ST7: variants seen among roughly 807,000 people sequenced by gnomAD.
ST7 encodes the protein suppressor of tumorigenicity 7 protein.
A neutral mutation model predicts 78.7 loss-of-function variants in ST7; 28 were observed. The observed-to-expected ratio is 0.36, with a 90% CI of 0.26 to 0.49. The LOEUF is 0.49. ST7 is among the 20% of genes least tolerant of loss of function. ST7 has a pLI of 0.99. For missense variants in ST7, 418 were observed against 696.0 expected (o/e 0.60, Z 4.49); for synonymous variants, 247 against 249.6 (o/e 0.99, Z 0.10).
chr7:116,999,294 A>T (rs1412172043), intron 1 of ST7, among the ~76,000 whole-genome samples: 1 of 152,246 alleles, frequency 6.6e-6, no homozygotes, highest in Admixed American at 6.5e-5. Flanking sequence ...AGTTTCAAAT[A>T]GTAGAGAGGT....
intron 9 of ST7, among the ~76,000 whole-genome samples, chr7:117,157,165 T>C (rs1222383303): frequency 1.3e-5 from 2 of 152,176 alleles, no homozygotes; most frequent in African/African-American, 2.4e-5. Flanking sequence ...GGAAACATGA[T>C]GGCATGAGCT....
At chr7:117,033,701 G>A (rs777639396) in intron 1 of ST7, among the ~76,000 whole-genome samples, 1 of 152,192 alleles carries the variant, frequency 6.6e-6, no homozygotes, top group Non-Finnish European at 1.5e-5. Flanking sequence ...TGGGATTACA[G>A]GCGTGAGCCA....
chr7:117,111,731 G>T (rs1350506529), intron 2 of ST7, among the ~76,000 whole-genome samples: 2 of 152,126 alleles, frequency 1.3e-5, no homozygotes, highest in Non-Finnish European at 2.9e-5. Context: ...CCATCCACAA[G>T]AACTGCACCT....
rs1225932751 is a variant in ST7, at chr7:117,189,258, T to G, written c.1079-63T>G. On this transcript the variant is annotated intron_variant, in intron 10 of 15. Coordinates refer to ENST00000323984, the MANE Select transcript of ST7 (RefSeq NM_001369598.1). ...AAACGTGATTAAAATGCTAGTGTAT[T>G]GAAAATGATTGCTCTTTGTTACCTG... 3 of 1,177,342 alleles carry G rather than the reference T, an allele frequency of 2.5e-6. No homozygotes were observed. In the East Asian group the frequency reaches 7.3e-5, roughly 29 times the overall value. The allele number at this position is 1,177,342 out of a possible 1,614,324, so 72.9% of individuals were successfully genotyped here.
At chr7:117,197,707 G>A (rs1046162114) in intron 12 of ST7, among the ~76,000 whole-genome samples, 6 of 152,174 alleles carry the variant, frequency 3.9e-5, no homozygotes, top group African/African-American at 1.2e-4. Context: ...AACATTGTTA[G>A]CCATTTGTAT....
At chr7:117,152,213 A>ATG (rs375719225) in intron 9 of ST7, among the ~76,000 whole-genome samples, 2 of 115,058 alleles carry the variant, frequency 1.7e-5, no homozygotes, top group Non-Finnish European at 3.7e-5. Context: ...ATATATATAT[A>ATG]TATATATATA....
chr7:117,192,316 G>C (rs1204418365), intron 12 of ST7, among the ~76,000 whole-genome samples: 2 of 152,164 alleles, frequency 1.3e-5, no homozygotes, highest in Non-Finnish European at 2.9e-5. Flanking sequence ...TTTAGAAGTA[G>C]TATTGAGCAA....
chr7:117,201,560 G>T (rs1476222928), intron 12 of ST7, among the ~76,000 whole-genome samples: 14 of 144,818 alleles, frequency 9.7e-5, no homozygotes, highest in African/African-American at 2.8e-4. Flanking sequence ...TTTGTGTGTG[G>T]TTTTTTTTTT....
chr7:117,057,188 G>A (rs554832629), intron 1 of ST7, among the ~76,000 whole-genome samples: 98 of 152,114 alleles, frequency 6.4e-4, no homozygotes, highest in African/African-American at 2.3e-3. Context: ...CATACTTAGA[G>A]CTGTATTTCA....
intron 10 of ST7, among the ~76,000 whole-genome samples, chr7:117,177,759 T>G (rs1276771548): frequency 6.6e-6 from 1 of 152,172 alleles, no homozygotes; most frequent in East Asian, 1.9e-4. Flanking sequence ...TTTTTCCCTT[T>G]GGTTGGAAGG....
chr7:117,180,561 AT>A (rs1188838220), intron 10 of ST7, among the ~76,000 whole-genome samples: 4 of 152,236 alleles, frequency 2.6e-5, no homozygotes, highest in African/African-American at 9.6e-5. Context: ...AGTTAAAAAA[AT>A]AAATAAATAA....
intron 1 of ST7, among the ~76,000 whole-genome samples, chr7:117,083,586 A>T (rs2116629545): frequency 6.6e-6 from 1 of 152,298 alleles, no homozygotes; most frequent in South Asian, 2.1e-4. Flanking sequence ...TAATAAGAAC[A>T]TAGAATAGAA....
chr7:116,961,933 T>G (rs1332883194), intron 1 of ST7, among the ~76,000 whole-genome samples: 2 of 148,356 alleles, frequency 1.3e-5, no homozygotes, highest in Non-Finnish European at 3.0e-5. Context: ...CTCCCTCCCC[T>G]CACCCCCCCA....
chr7:117,079,997 T>C (rs1214457766), intron 1 of ST7, among the ~76,000 whole-genome samples: 2 of 141,862 alleles, frequency 1.4e-5, no homozygotes, highest in African/African-American at 5.5e-5. Context: ...TTTTTTTTTT[T>C]TGAGACGGAG....
intron 1 of ST7, among the ~76,000 whole-genome samples, chr7:117,031,867 TATC>T (rs1796607939): frequency 2.2e-5 from 3 of 133,530 alleles, no homozygotes; most frequent in Middle Eastern, 3.8e-3. Flanking sequence ...TCTATCTATC[TATC>T]TATATATATA....
At chr7:117,036,717 T>C (rs903297744) in intron 1 of ST7, among the ~76,000 whole-genome samples, 1 of 152,194 alleles carries the variant, frequency 6.6e-6, no homozygotes, top group African/African-American at 2.4e-5. Context: ...TGATATATCA[T>C]ATACATATGG....
At chr7:117,140,496 C>G (rs1056566451) in intron 9 of ST7, among the ~76,000 whole-genome samples, 2 of 152,076 alleles carry the variant, frequency 1.3e-5, no homozygotes, top group African/African-American at 2.4e-5. Flanking sequence ...GGCATGCTTA[C>G]AATTTTTTTT....
chr7:116,968,566 G>T lies in ST7; in HGVS notation c.151+14875G>T, dbSNP rs552525909. 24 of 332,262 alleles carry T rather than the reference G, an allele frequency of 7.2e-5. No individual in the cohort carries two copies. In the East Asian group the frequency reaches 1.9e-3, roughly 26 times the overall value. The allele number at this position is 332,262 out of a possible 1,614,324, so 20.6% of individuals were successfully genotyped here. A position where few individuals can be genotyped will look rare whatever the true frequency, so the allele number is the denominator to read the frequency against. ...TACAATCAAATAATAAATTCATTGAGTCATACTATTAGCGAGTCGCAGTGC... is the reference window on the plus strand; with the variant it reads ...TACAATCAAATAATAAATTCATTGATTCATACTATTAGCGAGTCGCAGTGC... On this transcript the variant is annotated intron_variant, in intron 1 of 15. Transcript: ENST00000323984.
chr7:117,198,888 C>T (rs978391642), intron 12 of ST7, among the ~76,000 whole-genome samples: 11 of 152,106 alleles, frequency 7.2e-5, no homozygotes, highest in Middle Eastern at 3.4e-3. Flanking sequence ...CTCATATTTC[C>T]CTGTCTGAGT....
Sources: allele counts gnomAD v4.1 joint callset (sites outside exome capture counted in the v4.1 genomes callset), GRCh38; gene constraint gnomAD v4.1.1; transcripts MANE v1.5; gene names NCBI Gene and HGNC (gene_info 2026-07-23, HGNC 2026-07-21).